The following TGFA variants were observed in gnomAD, a reference collection of about 807,000 sequenced individuals.
The protein encoded by TGFA is protransforming growth factor alpha.
In TGFA, 12 loss-of-function variants were observed where a neutral mutation model predicts 21.7. That is an observed-to-expected ratio of 0.55 (90% confidence interval 0.35 to 0.90). The LOEUF (loss-of-function observed/expected upper bound fraction) is 0.90. TGFA is among the 40% of genes least tolerant of loss of function. TGFA has a pLI of 0.01. For synonymous variants in TGFA, 79 were observed against 88.1 expected (o/e 0.90, Z 0.58); for missense variants, 178 against 210.8 (o/e 0.84, Z 0.96).
chr2:70,488,382 G>A (rs933577555), intron 2 of TGFA, among the ~76,000 whole-genome samples: 5 of 152,000 alleles, frequency 3.3e-5, no homozygotes, highest in Non-Finnish European at 7.4e-5. Context: ...TGCATAAGAC[G>A]TATTTCATTA....
At chr2:70,463,612 G>A (rs1362097061) in intron 3 of TGFA, among the ~76,000 whole-genome samples, 2 of 152,174 alleles carry the variant, frequency 1.3e-5, no homozygotes, top group African/African-American at 2.4e-5. Context: ...CTCACTTTGG[G>A]TCAGAACTTG....
At chr2:70,476,220 A>T (rs1553494349) in intron 2 of TGFA, among the ~76,000 whole-genome samples, 1 of 151,420 alleles carries the variant, frequency 6.6e-6, no homozygotes, top group African/African-American at 2.4e-5. Flanking sequence ...TCCTTCTTTC[A>T]TCTCTTCAAA....
chr2:70,545,890 T>C (rs1041747405), intron 1 of TGFA, among the ~76,000 whole-genome samples: 10 of 152,240 alleles, frequency 6.6e-5, no homozygotes, highest in Non-Finnish European at 1.0e-4. Flanking sequence ...AAAGTGTTAT[T>C]ATAAAACTCC....
rs1669934410 is a variant in TGFA at position 70,448,064 on chromosome 2, C to G, written c.*2795G>C. The G allele has an allele frequency of 6.6e-6, 1 of 152,216 alleles. No individual in the cohort carries two copies. The highest frequency in any genetic ancestry group is 1.5e-5 in the Non-Finnish European group (1 of 68,052). 9.4% of individuals were successfully genotyped at this position (152,216 alleles called of 1,614,324 possible). On this transcript the variant is annotated 3_prime_UTR_variant, in exon 6 of 6. Coordinates refer to ENST00000295400, the MANE Select transcript of TGFA (RefSeq NM_003236.4). ...TGAGTGGCAATCCCATCTTTTTCTCCTTTCTCAGGGAAAAGAACTCTAGGG... is the reference window on the plus strand; with the variant it reads ...TGAGTGGCAATCCCATCTTTTTCTCGTTTCTCAGGGAAAAGAACTCTAGGG...
intron 1 of TGFA, among the ~76,000 whole-genome samples, chr2:70,541,624 C>T (rs1270804560): frequency 2.0e-5 from 3 of 152,060 alleles, no homozygotes; most frequent in Admixed American, 6.6e-5. Context: ...AGAGGATGCA[C>T]GTGTTCTATG....
chr2:70,553,151 A>G (rs1553507071), intron 1 of TGFA: 2 of 1,533,140 alleles, frequency 1.3e-6, no homozygotes, highest in Admixed American at 3.9e-5. Flanking sequence ...TAATTAAAGG[A>G]ACCATTAATC....
chr2:70,503,582 T>TAAAA (rs1405451186), intron 2 of TGFA, among the ~76,000 whole-genome samples: 5 of 142,814 alleles, frequency 3.5e-5, no homozygotes, highest in Non-Finnish European at 1.5e-5. Flanking sequence ...ATAATAATAA[T>TAAAA]AAAAAAAAAA....
intron 1 of TGFA, among the ~76,000 whole-genome samples, chr2:70,542,320 G>A (rs1255998889): frequency 1.3e-5 from 2 of 152,122 alleles, no homozygotes. Context: ...TGGAAGTACA[G>A]TAATTACAAA....
intron 1 of TGFA, among the ~76,000 whole-genome samples, chr2:70,547,259 C>T (rs1673333925): frequency 6.6e-6 from 1 of 152,046 alleles, no homozygotes; most frequent in Non-Finnish European, 1.5e-5. Context: ...GGAGTATTTC[C>T]CAGCCACTAG....
At chr2:70,471,015 C>T (rs1670726689) in intron 2 of TGFA, among the ~76,000 whole-genome samples, 1 of 151,840 alleles carries the variant, frequency 6.6e-6, no homozygotes. Context: ...ATCTGTAATC[C>T]ACTATGTAGA....
intron 2 of TGFA, among the ~76,000 whole-genome samples, chr2:70,475,701 G>A (rs1018148488): frequency 6.6e-6 from 1 of 152,122 alleles, no homozygotes; most frequent in East Asian, 1.9e-4. Context: ...TTAGCAAAGA[G>A]GCTTTGGGAA....
intron 2 of TGFA, among the ~76,000 whole-genome samples, chr2:70,502,019 G>T (rs1483643859): frequency 6.6e-6 from 1 of 152,244 alleles, no homozygotes; most frequent in African/African-American, 2.4e-5. Context: ...CACTTGCAGG[G>T]AGCTGAGACC....
intron 4 of TGFA, among the ~76,000 whole-genome samples, chr2:70,454,738 G>A (rs1202576487): frequency 6.6e-6 from 1 of 152,196 alleles, no homozygotes; most frequent in Non-Finnish European, 1.5e-5. Context: ...CATGGATTCT[G>A]AACTTGGTCT....
intron 2 of TGFA, among the ~76,000 whole-genome samples, chr2:70,469,148 C>T (rs1670659810): frequency 6.6e-6 from 1 of 152,090 alleles, no homozygotes; most frequent in South Asian, 2.1e-4. Context: ...AGACAGACAG[C>T]TTCACATTCC....
chr2:70,471,119 C>G (rs1221084194), intron 2 of TGFA, among the ~76,000 whole-genome samples: 3 of 97,730 alleles, frequency 3.1e-5, no homozygotes, highest in Non-Finnish European at 5.7e-5. Flanking sequence ...ACCCCCCCCA[C>G]CATATAACCA....
At position 70,453,302 on chromosome 2, in the gene TGFA, C is replaced by T. The variant is rs782179752; in HGVS notation, c.391G>A (p.Glu131Lys). 2.5e-6 allele frequency: 4 copies of T among 1,613,764 alleles called. No individual in the cohort carries two copies. In the East Asian group the frequency reaches 6.7e-5, roughly 27 times the overall value. Residue 131 changes from glutamate (E) to lysine (K), a missense_variant, in exon 5 of 6, where the codon GAG becomes AAG. By Grantham distance (56) the Glu-to-Lys change is moderately conservative. Coordinates refer to ENST00000295400, the MANE Select transcript of TGFA (RefSeq NM_003236.4). Reference sequence around the variant, plus strand: ...CGGCAGATGAGGGCCCGGCACCACTCACAGTGTTTTCGGACCTGGCAGCAG... The same window carrying T: ...CGGCAGATGAGGGCCCGGCACCACTTACAGTGTTTTCGGACCTGGCAGCAG... ...IHCCQVRKHC[E>K]WCRALICRHE...
intron 1 of TGFA, among the ~76,000 whole-genome samples, chr2:70,551,030 T>C (rs1673484986): frequency 6.6e-6 from 1 of 151,984 alleles, no homozygotes; most frequent in African/African-American, 2.4e-5. Context: ...TCACATAACC[T>C]GCAATGATGT....
At chr2:70,527,333 C>T (rs78732125) in intron 1 of TGFA, among the ~76,000 whole-genome samples, 3,683 of 152,250 alleles carry the variant, frequency 0.024, 151 homozygotes, top group African/African-American at 0.081. Context: ...ATGAAAGACG[C>T]CAGTCTGAAA....
At chr2:70,487,459 A>G (rs1213755477) in intron 2 of TGFA, among the ~76,000 whole-genome samples, 6 of 152,244 alleles carry the variant, frequency 3.9e-5, no homozygotes, top group Non-Finnish European at 8.8e-5. Flanking sequence ...TTTGTTTCAT[A>G]TATACCTTAT....
Sources: gnomAD v4.1 joint callset for allele counts (sites outside exome capture counted in the v4.1 genomes callset) on GRCh38, gnomAD v4.1.1 for gene constraint, MANE v1.5 for transcripts, NCBI Gene and HGNC (gene_info 2026-07-23, HGNC 2026-07-21) for gene names.